C22orf31: variants seen among roughly 807,000 people sequenced by gnomAD.
C22orf31 encodes chromosome 22 open reading frame 31.
In C22orf31, 11 loss-of-function variants were observed where a neutral mutation model predicts 15.0. The ratio of observed to expected loss-of-function variants is 0.73; its 90% confidence interval spans 0.46 to 1.21. The LOEUF is 1.21. Among genes scored for constraint, C22orf31 ranks in the 50% most tolerant of loss-of-function variants. C22orf31 has a pLI of 0.00. For synonymous variants in C22orf31, 132 were observed against 133.3 expected, an observed-to-expected ratio of 0.99 and a Z score of 0.07; for missense variants, 340 against 347.2, an observed-to-expected ratio of 0.98 and a Z score of 0.17.
At chr22:29,060,026 T>TC in intron 2 of C22orf31, 1 of 891,504 alleles carries the variant, frequency 1.1e-6, no homozygotes, top group South Asian at 5.2e-5. Context: ...CTTTTCTTTT[T>TC]TTTTTTTTTT....
chr22:29,071,732 C>A, the C22orf31 span, among the ~76,000 whole-genome samples: 1 of 152,096 alleles, frequency 6.6e-6, no homozygotes, highest in Non-Finnish European at 1.5e-5. Context: ...CACGACCGAC[C>A]CCGGGTGCGG....
chr22:29,072,509 T>G, the C22orf31 span, among the ~76,000 whole-genome samples: 1 of 152,210 alleles, frequency 6.6e-6, no homozygotes, highest in Non-Finnish European at 1.5e-5. Context: ...GAAATTGAGG[T>G]AAGAGCTATT....
At chr22:29,072,832 G>T in the C22orf31 span, among the ~76,000 whole-genome samples, 1 of 152,116 alleles carries the variant, frequency 6.6e-6, no homozygotes, top group African/African-American at 2.4e-5. Flanking sequence ...CTGCTGGGCC[G>T]GCCCAGGTGA....
chr22:29,066,991 A>G, the C22orf31 span, among the ~76,000 whole-genome samples: 2 of 152,146 alleles, frequency 1.3e-5, no homozygotes, highest in Non-Finnish European at 2.9e-5. Context: ...CCATCAGAAC[A>G]AGCAAATGAC....
chr22:29,059,234 C>T, intron 2 of C22orf31, 52 bp from the exon 3 acceptor site: 1 of 1,321,276 alleles, frequency 7.6e-7, no homozygotes, highest in Non-Finnish European at 1.0e-6. Flanking sequence ...GAGGGGAGCT[C>T]AGAATAATTA....
intron 1 of C22orf31, among the ~76,000 whole-genome samples, chr22:29,061,244 C>T (rs1241828250): frequency 6.6e-6 from 1 of 152,138 alleles, no homozygotes; most frequent in Non-Finnish European, 1.5e-5. Context: ...TTCTGCCAAG[C>T]CCTGAATACG....
At chr22:29,061,699 G>T in intron 1 of C22orf31, 91 bp downstream of exon 1, 1 of 990,430 alleles carries the variant, frequency 1.0e-6, no homozygotes. Context: ...CCAACTAAGA[G>T]CAACAGAACA....
At chr22:29,070,024 C>T in the C22orf31 span, among the ~76,000 whole-genome samples, 1 of 147,152 alleles carries the variant, frequency 6.8e-6, no homozygotes, top group Non-Finnish European at 1.5e-5. Context: ...TGGCTCACTG[C>T]AACCTCCACC....
upstream of C22orf31, among the ~76,000 whole-genome samples, chr22:29,062,742 C>T (rs955926335): frequency 6.6e-6 from 1 of 152,110 alleles, no homozygotes; most frequent in African/African-American, 2.4e-5. Flanking sequence ...GACCGCACCA[C>T]AGGCTGTGGT....
Position 29,058,994 on chromosome 22 carries a change from AC to A in C22orf31, c.620del (p.Gly207ValfsTer80). 1 of 1,614,028 alleles carries A rather than the reference AC, an allele frequency of 6.2e-7. No homozygotes were observed. The highest frequency in any genetic ancestry group is 2.2e-5 in the East Asian group (1 of 44,872). ...GAGCCTGGTAACCCTCTGTGGGGAGACCATGGATGGTTAGCGTGTCCTCCGA... is the reference window on the plus strand; with the variant it reads ...GAGCCTGGTAACCCTCTGTGGGGAGACATGGATGGTTAGCGTGTCCTCCGA... The part of the protein sequence containing the change: ...QLSEDTLTIH[G>X]LPTEGYQALY... On this transcript the variant is annotated frameshift_variant, in exon 3 of 3. Transcript: ENST00000216071. LOFTEE classifies it low-confidence loss of function (END_TRUNC).
the C22orf31 span, among the ~76,000 whole-genome samples, chr22:29,073,601 C>T: frequency 0.062 from 9,373 of 152,092 alleles, 353 homozygotes; most frequent in East Asian, 0.12. This position sits in a 1 kb window ranked among gnomAD's most constrained non-coding sequence, Gnocchi z 4.4. Flanking sequence ...TCAGCGACCC[C>T]AACCAGGCCG....
chr22:29,064,094 T>C (rs2037413556), upstream of C22orf31, among the ~76,000 whole-genome samples: 1 of 152,018 alleles, frequency 6.6e-6, no homozygotes, highest in African/African-American at 2.4e-5. Flanking sequence ...TCTCAAACTC[T>C]TGACCTCAGG....
At chr22:29,066,135 C>G (rs2037427946), upstream of C22orf31, among the ~76,000 whole-genome samples, 1 of 151,942 alleles carries the variant, frequency 6.6e-6, no homozygotes, top group Non-Finnish European at 1.5e-5. Flanking sequence ...GGTGGATCAG[C>G]TAATAAAGAA....
chr22:29,067,443 T>C, the C22orf31 span, among the ~76,000 whole-genome samples: 1 of 152,034 alleles, frequency 6.6e-6, no homozygotes, highest in African/African-American at 2.4e-5. Context: ...TTTTTTCTTC[T>C]CTTTTCTTTC....
chr22:29,069,580 A>T, the C22orf31 span, among the ~76,000 whole-genome samples: 1 of 152,210 alleles, frequency 6.6e-6, no homozygotes, highest in Non-Finnish European at 1.5e-5. Flanking sequence ...CCAGGCATGT[A>T]AAGCACTGAA....
chr22:29,066,194 T>A (rs1441129327), upstream of C22orf31, among the ~76,000 whole-genome samples: 1 of 152,212 alleles, frequency 6.6e-6, no homozygotes, highest in Non-Finnish European at 1.5e-5. Context: ...TTTATGGCCC[T>A]GCCCCACCCA....
upstream of C22orf31, among the ~76,000 whole-genome samples, chr22:29,064,491 C>T (rs1209482301): frequency 6.6e-6 from 1 of 151,920 alleles, no homozygotes; most frequent in East Asian, 1.9e-4. Context: ...ATAGTAAGCA[C>T]TCAATGAATA....
intron 2 of C22orf31, chr22:29,060,026 T>C (rs547919550): frequency 4.3e-4 from 387 of 891,436 alleles, no homozygotes; most frequent in South Asian, 1.1e-3. Flanking sequence ...CTTTTCTTTT[T>C]TTTTTTTTTT....
intron 2 of C22orf31, 56 bp from the exon 3 acceptor site, chr22:29,059,238 A>G: frequency 7.7e-7 from 1 of 1,291,732 alleles, no homozygotes; most frequent in Admixed American, 2.2e-5. Flanking sequence ...GGAGCTCAGA[A>G]TAATTATCTG....
Sources: allele counts gnomAD v4.1 joint callset (sites outside exome capture counted in the v4.1 genomes callset), GRCh38; gene constraint gnomAD v4.1.1; non-coding constraint Gnocchi (gnomAD v3.1); transcripts MANE v1.5; gene names NCBI Gene and HGNC (gene_info 2026-07-23, HGNC 2026-07-21).